Variants in TAFA1 observed in about 807,000 individuals in gnomAD.
TAFA1 encodes chemokine-like protein TAFA-1.
A neutral mutation model predicts 18.5 loss-of-function variants in TAFA1; 4 were observed. That is an observed-to-expected ratio of 0.22 (90% CI 0.11 to 0.49). TAFA1 has a LOEUF of 0.49. Ranked by LOEUF, TAFA1 falls within the 20% of genes least tolerant of loss-of-function variation. TAFA1 has a pLI of 0.98. For synonymous variants in TAFA1, 56 were observed against 55.2 expected (o/e 1.01, Z -0.06); for missense variants, 147 against 169.0 (o/e 0.87, Z 0.72).
intron 2 of TAFA1, among the ~76,000 whole-genome samples, chr3:68,365,656 AG>A (rs1330408675): frequency 6.6e-6 from 1 of 152,188 alleles, no homozygotes; most frequent in Non-Finnish European, 1.5e-5. Context: ...TAATTGATAA[AG>A]AAAGAGATGT....
rs1361976296 is a variant in TAFA1, at chr3:68,545,455, C to G, written c.*952C>G. On this transcript the variant is annotated 3_prime_UTR_variant, in exon 5 of 5. Coordinates refer to ENST00000478136, the MANE Select transcript of TAFA1 (RefSeq NM_213609.4). ...CGTTAACTACATAGTGCTGTAGCAA[C>G]AAGTCTTATCATGGCATCTCTTTCT... 1.3e-5 allele frequency: 2 copies of G among 152,574 alleles called. No homozygotes were observed. The highest frequency in any genetic ancestry group is 4.8e-5 in the African/African-American group (2 of 41,440). The allele number at this position is 152,574 out of a possible 1,614,324, so 9.5% of individuals were successfully genotyped here.
chr3:68,451,851 A>G (rs1011756019), intron 3 of TAFA1, among the ~76,000 whole-genome samples: 3 of 152,218 alleles, frequency 2.0e-5, no homozygotes, highest in Non-Finnish European at 4.4e-5. Context: ...GTTAGCTGAT[A>G]CTAAAAGGAT....
chr3:68,388,710 GAAATGAATCATTCTTA>G (rs1157819743), intron 2 of TAFA1, among the ~76,000 whole-genome samples: 1 of 152,046 alleles, frequency 6.6e-6, no homozygotes, highest in Non-Finnish European at 1.5e-5. Flanking sequence ...CAACTCTACT[GAAATGAATCATTCTTA>G]AAAAAGACAT....
chr3:68,237,679 T>C (rs1053446596), intron 2 of TAFA1, among the ~76,000 whole-genome samples: 3 of 152,196 alleles, frequency 2.0e-5, no homozygotes, highest in Non-Finnish European at 2.9e-5. Flanking sequence ...CTTAAAATTT[T>C]ATTGGTTTTT....
chr3:68,111,837 T>A (rs1295729916), intron 2 of TAFA1, among the ~76,000 whole-genome samples: 1 of 151,692 alleles, frequency 6.6e-6, no homozygotes, highest in Non-Finnish European at 1.5e-5. Context: ...CTTGGTAGAT[T>A]GTTAGGACAT....
At chr3:68,416,411 C>T (rs927334997) in intron 2 of TAFA1, among the ~76,000 whole-genome samples, 1 of 152,300 alleles carries the variant, frequency 6.6e-6, no homozygotes, top group Non-Finnish European at 1.5e-5. Context: ...TGCCAAGAAT[C>T]CTAAATGGTC....
At chr3:68,023,403 C>T (rs1704740937) in intron 2 of TAFA1, among the ~76,000 whole-genome samples, 1 of 152,070 alleles carries the variant, frequency 6.6e-6, no homozygotes, top group Admixed American at 6.6e-5. Flanking sequence ...AAATAAATGC[C>T]TTGACTTGGA....
chr3:68,283,808 T>A (rs2067946340), intron 2 of TAFA1, among the ~76,000 whole-genome samples: 1 of 152,214 alleles, frequency 6.6e-6, no homozygotes, highest in South Asian at 2.1e-4. Flanking sequence ...TCTGTTTTTA[T>A]CAGCCCTCAG....
chr3:68,130,860 C>T (rs960842091), intron 2 of TAFA1, among the ~76,000 whole-genome samples: 1 of 152,260 alleles, frequency 6.6e-6, no homozygotes, highest in Admixed American at 6.5e-5. Context: ...CCGTTAGCTA[C>T]CTCCCTGTCC....
chr3:68,117,579 A>G (rs1048426555), intron 2 of TAFA1, among the ~76,000 whole-genome samples: 1 of 152,198 alleles, frequency 6.6e-6, no homozygotes, highest in Admixed American at 6.5e-5. Flanking sequence ...AACCTTGGGC[A>G]GTGGGCTACT....
At chr3:67,997,070 G>A in the TAFA1 span, among the ~76,000 whole-genome samples, 19 of 152,030 alleles carry the variant, frequency 1.2e-4, no homozygotes, top group African/African-American at 4.1e-4. Context: ...AGCTGAGTTA[G>A]GAAAAAGGAA....
In TAFA1 at chr3:68,522,816, T is replaced by C. The variant is rs542365444; in HGVS notation, c.260-15940T>C. Among the ~76,000 whole-genome samples, 114 of 151,036 alleles carry C rather than the reference T, an allele frequency of 7.5e-4. 1 individual carries two copies. The highest frequency in any genetic ancestry group is 1.4e-3 in the Non-Finnish European group (96 of 67,854). ...GTAAGCCGAGATCATACCACTGTAC[T>C]CCAGCCTGGGCGACTTTGGGAGGCT... On this transcript the variant is annotated intron_variant, in intron 3 of 4. Transcript: ENST00000478136.
upstream of TAFA1, among the ~76,000 whole-genome samples, chr3:68,003,744 C>T (rs569711904): frequency 6.6e-6 from 1 of 152,244 alleles, no homozygotes; most frequent in Admixed American, 6.5e-5. Flanking sequence ...CATATTTCTT[C>T]ATTTGATGCT....
intron 2 of TAFA1, among the ~76,000 whole-genome samples, chr3:68,109,910 G>T (rs1410890516): frequency 6.6e-6 from 1 of 152,150 alleles, no homozygotes; most frequent in Non-Finnish European, 1.5e-5. Flanking sequence ...TTTTTAAACT[G>T]CAGAGCCTCA....
chr3:68,066,993 G>T (rs1456736222), intron 2 of TAFA1, among the ~76,000 whole-genome samples: 1 of 152,142 alleles, frequency 6.6e-6, no homozygotes, highest in African/African-American at 2.4e-5. Flanking sequence ...CTTTGACATG[G>T]TATCAAGCAA....
At chr3:68,139,590 T>C (rs1051004236) in intron 2 of TAFA1, among the ~76,000 whole-genome samples, 6 of 152,178 alleles carry the variant, frequency 3.9e-5, no homozygotes, top group Non-Finnish European at 4.4e-5. Context: ...GACACTTAGA[T>C]TGCTTCCTTT....
At chr3:68,421,669 G>C (rs1050082210) in intron 3 of TAFA1, among the ~76,000 whole-genome samples, 1 of 152,012 alleles carries the variant, frequency 6.6e-6, no homozygotes, top group Non-Finnish European at 1.5e-5. Context: ...AGGGATTATA[G>C]ACATTTCTAC....
intron 2 of TAFA1, among the ~76,000 whole-genome samples, chr3:68,054,097 T>C (rs2064504312): frequency 6.6e-6 from 1 of 152,158 alleles, no homozygotes; most frequent in African/African-American, 2.4e-5. Flanking sequence ...TTAATTTTTA[T>C]GTGCACTAGC....
chr3:68,374,437 T>C (rs780090850), intron 2 of TAFA1, among the ~76,000 whole-genome samples: 2 of 152,164 alleles, frequency 1.3e-5, no homozygotes, highest in Non-Finnish European at 1.5e-5. Context: ...TGTACTGTTA[T>C]CTATATATAC....
Sources: allele counts gnomAD v4.1 joint callset (sites outside exome capture counted in the v4.1 genomes callset), GRCh38; gene constraint gnomAD v4.1.1; transcripts MANE v1.5; gene names NCBI Gene and HGNC (gene_info 2026-07-23, HGNC 2026-07-21).